The following PHKB variants were observed in gnomAD, a reference collection of about 807,000 sequenced individuals.
PHKB encodes the protein phosphorylase b kinase regulatory subunit beta.
PHKB carries 122 observed loss-of-function variants against 152.1 expected under a neutral mutation model. The ratio of observed to expected loss-of-function variants is 0.80; its 90% CI spans 0.69 to 0.93. The LOEUF (loss-of-function observed/expected upper bound fraction) is 0.93, where lower values mean the gene tolerates loss of function less well. Among genes scored for constraint, PHKB ranks in the 40% least tolerant of loss-of-function variants. PHKB has a pLI of 0.00. For synonymous variants in PHKB, 436 were observed against 464.9 expected, an observed-to-expected ratio of 0.94 and a Z score of 0.80; for missense variants, 1,304 against 1,328.4, an observed-to-expected ratio of 0.98 and a Z score of 0.29.
At chr16:47,697,712 A>G (rs1430607182) in intron 29 of PHKB, among the ~76,000 whole-genome samples, 2 of 152,218 alleles carry the variant, frequency 1.3e-5, no homozygotes, top group Non-Finnish European at 2.9e-5. Context: ...ACAAATTAGG[A>G]GCCATAAACA....
chr16:47,640,387 C>T (rs968953464), intron 14 of PHKB, among the ~76,000 whole-genome samples: 4 of 152,126 alleles, frequency 2.6e-5, no homozygotes, highest in African/African-American at 7.2e-5. Context: ...ATGTATAATA[C>T]ATGTTATAGC....
rs13332411 is a variant in PHKB, at chr16:47,557,388, C to T, written c.710+9840C>T. On this transcript the variant is annotated intron_variant, in intron 7 of 30. Coordinates refer to ENST00000323584, the MANE Select transcript of PHKB (RefSeq NM_000293.3). ...AAAAGCCAAAATTGACAAATGGGAC[C>T]TAATTAAACTAAAGAGCTTCTGCAC... Among the ~76,000 whole-genome samples, 631 of 152,252 alleles carry T rather than the reference C, an allele frequency of 4.1e-3. 4 individuals carry two copies. Among genetic ancestry groups the T allele is most frequent in the African/African-American group, 0.014 (600 of 41,540 alleles).
chr16:47,479,239 C>T (rs986289226), intron 1 of PHKB, among the ~76,000 whole-genome samples: 1 of 152,078 alleles, frequency 6.6e-6, no homozygotes, highest in Non-Finnish European at 1.5e-5. Flanking sequence ...GAGATAATAG[C>T]TTTGGATTTG....
chr16:47,525,593 AT>A (rs1970752211), intron 6 of PHKB, among the ~76,000 whole-genome samples: 1 of 152,232 alleles, frequency 6.6e-6, no homozygotes. Flanking sequence ...GGGTCCCTAA[AT>A]GACCTTATGG....
At position 47,598,856 on chromosome 16, in the gene PHKB, G is replaced by A. The variant is rs946085425; in HGVS notation, c.1363+2325G>A. On this transcript the variant is annotated intron_variant, in intron 13 of 30. Coordinates refer to ENST00000323584, the MANE Select transcript of PHKB (RefSeq NM_000293.3). ...ATAGCCAGCTTCTCATTTGTAATCT[G>A]TTCTGTATACTTTCTATATGCTGCA... 8 of 1,605,960 alleles carry A rather than the reference G, an allele frequency of 5.0e-6. No homozygotes were observed. The Admixed American group carries it at 6.7e-5, about 13-fold the overall frequency.
At chr16:47,695,807 G>T (rs1207225675) in intron 28 of PHKB, among the ~76,000 whole-genome samples, 1 of 152,204 alleles carries the variant, frequency 6.6e-6, no homozygotes, top group African/African-American at 2.4e-5. Context: ...GGATTGTGAA[G>T]AAATGAATGG....
In PHKB at chr16:47,660,778, T is replaced by C. The variant is rs1177104908; in HGVS notation, c.2155T>C (p.Trp719Arg). The C allele has an allele frequency of 3.7e-6, 6 of 1,614,080 alleles. No individual in the cohort carries two copies. Among genetic ancestry groups the C allele is most frequent in the Non-Finnish European group, 5.1e-6 (6 of 1,179,972 alleles). Residue 719 changes from tryptophan to arginine, a missense_variant, in exon 22 of 31, where the codon TGG becomes CGG. Coordinates refer to ENST00000323584, the MANE Select transcript of PHKB (RefSeq NM_000293.3). ...GCAGCCGGATGTCAACATTAGTGAA[T>C]GGAAGGACAAACCCACCCACGAAAT... ...GQQPDVNISE[W>R]KDKPTHEILQ...
At chr16:47,638,800 A>AAAT (rs1488614415) in intron 14 of PHKB, among the ~76,000 whole-genome samples, 1 of 152,240 alleles carries the variant, frequency 6.6e-6, no homozygotes, top group Non-Finnish European at 1.5e-5. Flanking sequence ...AATGCCTGTA[A>AAAT]AATGGAGATT....
chr16:47,663,748 T>C lies in PHKB; in HGVS notation c.2336+14T>C, dbSNP rs569032725. ...CCAAAAACTTTGGTTTGTATTAGTG[T>C]CCTTGTTGTTATGTTTTATTTTTGT... On this transcript the variant is annotated intron_variant, in intron 24 of 30. Coordinates refer to ENST00000323584, the MANE Select transcript of PHKB (RefSeq NM_000293.3). The C allele has an allele frequency of 1.4e-6, 2 of 1,438,018 alleles. No homozygotes were observed. The highest frequency in any genetic ancestry group is 2.3e-5 in the South Asian group (2 of 87,576). The allele number at this position is 1,438,018 out of a possible 1,614,324, so 89.1% of individuals were successfully genotyped here.
At chr16:47,500,028 T>G in intron 3 of PHKB, 134 bp downstream of exon 3, 1 of 977,306 alleles carries the variant, frequency 1.0e-6, no homozygotes, top group Non-Finnish European at 1.6e-6. Flanking sequence ...CACATCCCTT[T>G]TTAGGCCTCT....
chr16:47,680,640 C>G (rs1973833615), intron 26 of PHKB, among the ~76,000 whole-genome samples: 2 of 152,072 alleles, frequency 1.3e-5, no homozygotes. Flanking sequence ...TTTATTGCGT[C>G]TATTTGATTC....
At chr16:47,577,375 G>A (rs1971767391) in intron 7 of PHKB, among the ~76,000 whole-genome samples, 1 of 151,934 alleles carries the variant, frequency 6.6e-6, no homozygotes. Context: ...TATAATTTTT[G>A]CTTCAACTGT....
chr16:47,682,553 A>G (rs1267609035), intron 26 of PHKB, among the ~76,000 whole-genome samples: 1 of 152,160 alleles, frequency 6.6e-6, no homozygotes, highest in East Asian at 1.9e-4. Context: ...AGTTGATCGC[A>G]TCGGCTCCTG....
At chr16:47,513,811 T>G (rs578255001) in intron 5 of PHKB, among the ~76,000 whole-genome samples, 1 of 152,342 alleles carries the variant, frequency 6.6e-6, no homozygotes, top group East Asian at 1.9e-4. Flanking sequence ...TTTCACTGCC[T>G]TTTTAAAAAT....
intron 4 of PHKB, among the ~76,000 whole-genome samples, chr16:47,510,267 T>C (rs1318692015): frequency 6.6e-6 from 1 of 152,170 alleles, no homozygotes; most frequent in Non-Finnish European, 1.5e-5. Flanking sequence ...TGGCTATTGG[T>C]GATTGACTCA....
intron 7 of PHKB, among the ~76,000 whole-genome samples, chr16:47,571,237 A>G (rs553052290): frequency 5.8e-4 from 88 of 152,100 alleles, no homozygotes; most frequent in African/African-American, 2.1e-3. Flanking sequence ...TTTTTTCACT[A>G]GGGTAGAATA....
At chr16:47,509,786 A>T (rs144588494) in intron 4 of PHKB, among the ~76,000 whole-genome samples, 1 of 152,280 alleles carries the variant, frequency 6.6e-6, no homozygotes, top group Non-Finnish European at 1.5e-5. Flanking sequence ...TGGATTTTCC[A>T]TACCAAGCAG....
chr16:47,581,470 G>A (rs1971844103), intron 8 of PHKB, among the ~76,000 whole-genome samples: 2 of 152,290 alleles, frequency 1.3e-5, no homozygotes, highest in South Asian at 4.1e-4. Flanking sequence ...TATATTAGGG[G>A]TCAGGAGACA....
intron 6 of PHKB, among the ~76,000 whole-genome samples, chr16:47,519,676 T>C (rs1357923585): frequency 1.3e-5 from 2 of 152,166 alleles, no homozygotes; most frequent in East Asian, 3.9e-4. Context: ...GCCTCAGAAG[T>C]CACATTTATA....
Sources: gnomAD v4.1 joint callset for allele counts (sites outside exome capture counted in the v4.1 genomes callset) on GRCh38, gnomAD v4.1.1 for gene constraint, MANE v1.5 for transcripts, NCBI Gene and HGNC (gene_info 2026-07-23, HGNC 2026-07-21) for gene names.